NAB1: variants seen among roughly 807,000 people sequenced by gnomAD.
NAB1 encodes NGFI-A binding protein 1, also known as NGFI-A-binding protein 1.
NAB1 carries 25 observed loss-of-function variants against 49.9 expected under a neutral mutation model. The ratio of observed to expected loss-of-function variants is 0.50; its 90% CI spans 0.37 to 0.70. The LOEUF (loss-of-function observed/expected upper bound fraction) is 0.70. NAB1 is among the 30% of genes least tolerant of loss of function. The probability of loss-of-function intolerance (pLI) is 0.00; values close to 1 mark genes in which losing one functional copy is unlikely to be tolerated. For synonymous variants in NAB1, 198 were observed against 215.6 expected (o/e 0.92, Z 0.71); for missense variants, 489 against 575.9 (o/e 0.85, Z 1.54).
Position 190,682,843 on chromosome 2 carries a change from G to A in NAB1, c.1006-895G>A, listed in dbSNP as rs528694220. 6.6e-6 allele frequency among the ~76,000 whole-genome samples: 1 copy of A among 152,262 alleles called. No homozygotes were observed. The highest frequency in any genetic ancestry group is 2.4e-5 in the African/African-American group (1 of 41,552). On this transcript the variant is annotated intron_variant, in intron 6 of 9. Coordinates refer to ENST00000337386, the MANE Select transcript of NAB1 (RefSeq NM_005966.4). The surrounding 1 kb of genome is among the most constrained non-coding windows in gnomAD (Gnocchi z 4.1). ...AGGAAATTGTCATGTATTGCTTGTG[G>A]TATGATAAACTAGTAAAGGCCCTCT... is the stretch of plus-strand genomic sequence containing the variant.
At position 190,659,715 on chromosome 2, in the gene NAB1, C is replaced by T; in HGVS notation, c.539C>T (p.Ser180Phe). 1 of 1,613,794 alleles carries T rather than the reference C, an allele frequency of 6.2e-7. No homozygotes were observed. The highest frequency in any genetic ancestry group is 8.5e-7 in the Non-Finnish European group (1 of 1,179,924). ...AGCCTCTCCCCAGCAGACCTGGGCT[C>T]CCCCGCGTCCCCAAAGGAGAGCAGT... ...EHSLSPADLGSPASPKESSEA... is the reference protein window; with the variant it reads ...EHSLSPADLGFPASPKESSEA... The change falls in exon 4 of 10, where the codon TCC becomes TTC. Residue 180 changes from serine (S) to phenylalanine (F), a missense_variant. By Grantham distance (155) the Ser-to-Phe change is radical. Transcript: ENST00000337386. The surrounding 1 kb of genome is among the most constrained non-coding windows in gnomAD (Gnocchi z 6.2).
chr2:190,668,183 G>C (rs1028061266), intron 4 of NAB1, among the ~76,000 whole-genome samples: 1 of 152,152 alleles, frequency 6.6e-6, no homozygotes, highest in Non-Finnish European at 1.5e-5. Context: ...TCTGAGGGTA[G>C]TTAGGTGGAA....
rs1052148559 is a variant in NAB1 at position 190,686,651 on chromosome 2, C to CT, written c.1259-549dup. Among the ~76,000 whole-genome samples, 1 of 152,154 alleles carries CT rather than the reference C, an allele frequency of 6.6e-6. No individual in the cohort carries two copies. Among genetic ancestry groups the CT allele is most frequent in the African/African-American group, 2.4e-5 (1 of 41,458 alleles). On this transcript the variant is annotated intron_variant, in intron 8 of 9. Coordinates refer to ENST00000337386, the MANE Select transcript of NAB1 (RefSeq NM_005966.4). The surrounding 1 kb of genome is among the most constrained non-coding windows in gnomAD (Gnocchi z 5.5). ...GGCAATTATTAAAGATTTGGTGACT[C>CT]TAATTTGTGACACCAGGATAATTCA...
rs80011902 is a variant in NAB1 at position 190,659,064 on chromosome 2, G to A, written c.-19-94G>A. The A allele has an allele frequency of 0.046, 36,464 of 785,992 alleles. 1,401 individuals carry two copies. The highest frequency in any genetic ancestry group is 0.13 in the African/African-American group (7,379 of 57,284). The allele number at this position is 785,992 out of a possible 1,614,324, so 48.7% of individuals were successfully genotyped here. A position where few individuals can be genotyped will look rare whatever the true frequency, so the allele number is the denominator to read the frequency against. ...GGCAGTCACGATGCAGATGCTTCTCGTTTTTGTTCTTAAAACCTGTAGTGT... is the reference window on the plus strand; with the variant it reads ...GGCAGTCACGATGCAGATGCTTCTCATTTTTGTTCTTAAAACCTGTAGTGT... On this transcript the variant is annotated intron_variant, in intron 3 of 9. Coordinates refer to ENST00000337386, the MANE Select transcript of NAB1 (RefSeq NM_005966.4). The surrounding 1 kb of genome is among the most constrained non-coding windows in gnomAD (Gnocchi z 6.2).
In NAB1 at chr2:190,685,624, A is replaced by T. The variant is rs1292156410; in HGVS notation, c.1244A>T (p.Asn415Ile). ...EHSPNGLTSD[N>I]SDGQGERPLN... ...AGTCCTAACGGCTTGACTTCCGATA[A>T]CTCAGATGGACAAGGTACATCTTTA... The change falls in exon 8 of 10, where the codon AAC becomes ATC. Residue 415 changes from asparagine (N) to isoleucine (I), a missense_variant. Coordinates refer to ENST00000337386, the MANE Select transcript of NAB1 (RefSeq NM_005966.4). The surrounding 1 kb of genome is among the most constrained non-coding windows in gnomAD (Gnocchi z 4.5). 6.2e-7 allele frequency: 1 copy of T among 1,608,408 alleles called. No homozygotes were observed. Among genetic ancestry groups the T allele is most frequent in the Non-Finnish European group, 8.5e-7 (1 of 1,177,780 alleles).
rs1438160647 is a variant in NAB1, at chr2:190,677,890, ATT to A, written c.1005+4739_1005+4740del. Among the ~76,000 whole-genome samples, 4 of 152,132 alleles carry A rather than the reference ATT, an allele frequency of 2.6e-5. No individual in the cohort carries two copies. Among genetic ancestry groups the A allele is most frequent in the Non-Finnish European group, 5.9e-5 (4 of 68,030 alleles). On this transcript the variant is annotated intron_variant, in intron 6 of 9. Coordinates refer to ENST00000337386, the MANE Select transcript of NAB1 (RefSeq NM_005966.4). The surrounding 1 kb of genome is among the most constrained non-coding windows in gnomAD (Gnocchi z 5.6). ...GCATCTTACCTGTGAAAAAAACACT[ATT>A]GGGGTTATACCTTTCCTCCTAGTAC...
rs1426648810 is a variant in NAB1, at chr2:190,686,291, A to T, written c.1258+653A>T. On this transcript the variant is annotated intron_variant, in intron 8 of 9. Coordinates refer to ENST00000337386, the MANE Select transcript of NAB1 (RefSeq NM_005966.4). The surrounding 1 kb of genome is among the most constrained non-coding windows in gnomAD (Gnocchi z 5.5). ...ACAAATCCCTGTTTACCTGGAGCTT[A>T]CATGTAGTGGAGGGAGATGTACAGG... 1.3e-5 allele frequency among the ~76,000 whole-genome samples: 2 copies of T among 152,216 alleles called. No homozygotes were observed. Among genetic ancestry groups the T allele is most frequent in the Non-Finnish European group, 2.9e-5 (2 of 68,024 alleles).
chr2:190,673,809 G>A (rs1450278790), intron 6 of NAB1, among the ~76,000 whole-genome samples: 1 of 152,176 alleles, frequency 6.6e-6, no homozygotes, highest in Non-Finnish European at 1.5e-5. Flanking sequence ...TAAGGTGGGA[G>A]TTAAGAAAAA....
chr2:190,653,737 G>GA (rs1559222469), intron 2 of NAB1: 1 of 152,180 alleles, frequency 6.6e-6, no homozygotes, highest in Non-Finnish European at 1.5e-5. Flanking sequence ...GAACAGAGAA[G>GA]AAAAAGACCT....
Position 190,663,067 on chromosome 2 carries a change from A to G in NAB1, c.819+3072A>G, listed in dbSNP as rs953685461. The stretch of plus-strand genomic sequence containing the variant: ...ACCGCATAAACGTGGTCACATTATT[A>G]AGTTAGCTTGTTTTATTCTGAACTC... On this transcript the variant is annotated intron_variant, in intron 4 of 9. Coordinates refer to ENST00000337386, the MANE Select transcript of NAB1 (RefSeq NM_005966.4). This position sits in a 1 kb window ranked among gnomAD's most constrained non-coding sequence, Gnocchi z 4.2. Among the ~76,000 whole-genome samples, 1 of 152,220 alleles carries G rather than the reference A, an allele frequency of 6.6e-6. No individual in the cohort carries two copies. The highest frequency in any genetic ancestry group is 2.4e-5 in the African/African-American group (1 of 41,448).
rs1695501011 is a variant in NAB1 at position 190,684,314 on chromosome 2, A to G, written c.1095+487A>G. 6.6e-6 allele frequency among the ~76,000 whole-genome samples: 1 copy of G among 152,178 alleles called. No individual in the cohort carries two copies. The highest frequency in any genetic ancestry group is 1.5e-5 in the Non-Finnish European group (1 of 67,986). ...GTTATTTAATTTTGTCTGTATACTGAAATTAAAATTTTAAAATGCTTTCTG... is the reference window on the plus strand; with the variant it reads ...GTTATTTAATTTTGTCTGTATACTGGAATTAAAATTTTAAAATGCTTTCTG... On this transcript the variant is annotated intron_variant, in intron 7 of 9. Transcript: ENST00000337386. The surrounding 1 kb of genome is among the most constrained non-coding windows in gnomAD (Gnocchi z 4.6).
rs1694096002 is a variant in NAB1, at chr2:190,659,310, G to T, written c.134G>T (p.Gly45Val). The change falls in exon 4 of 10, where the codon GGA (glycine) becomes GTA (valine). Residue 45 changes from glycine (G) to valine (V), a missense_variant. Gly to Val is a moderately radical substitution (Grantham distance 109). Transcript: ENST00000337386. This position sits in a 1 kb window ranked among gnomAD's most constrained non-coding sequence, Gnocchi z 6.2. ...GDDVQQLCEA[G>V]EEEFLEIMAL... ...GATGTCCAGCAACTCTGTGAAGCAG[G>T]AGAAGAGGAGTTTTTGGAAATCATG... is the stretch of plus-strand genomic sequence containing the variant. The T allele has an allele frequency of 1.9e-6, 3 of 1,614,034 alleles. No individual in the cohort carries two copies. Among genetic ancestry groups the T allele is most frequent in the African/African-American group, 1.3e-5 (1 of 74,894 alleles).
chr2:190,687,541 T>G (rs907858698), intron 9 of NAB1, among the ~76,000 whole-genome samples: 1 of 152,142 alleles, frequency 6.6e-6, no homozygotes, highest in Non-Finnish European at 1.5e-5. Flanking sequence ...TTAGAACATT[T>G]CAGATTTGGG....
At position 190,651,779 on chromosome 2, in the gene NAB1, A is replaced by C. The variant is rs1693680542; in HGVS notation, c.-197+1797A>C. ...TTTGTAAAATTTACCTTTAAATGCA[A>C]AGCTGTGTTTTGGATGGAAGTGACC... is the stretch of plus-strand genomic sequence containing the variant. On this transcript the variant is annotated intron_variant, in intron 2 of 9. Transcript: ENST00000337386. The surrounding 1 kb of genome is among the most constrained non-coding windows in gnomAD (Gnocchi z 4.3). Among the ~76,000 whole-genome samples, 1 of 152,210 alleles carries C rather than the reference A, an allele frequency of 6.6e-6. No homozygotes were observed. The highest frequency in any genetic ancestry group is 2.4e-5 in the African/African-American group (1 of 41,462).
Position 190,682,645 on chromosome 2 carries a change from A to C in NAB1, c.1006-1093A>C, listed in dbSNP as rs991385177. On this transcript the variant is annotated intron_variant, in intron 6 of 9. Transcript: ENST00000337386. This position sits in a 1 kb window ranked among gnomAD's most constrained non-coding sequence, Gnocchi z 4.1. ...GAGGGTAGATTTAAGTACTGAACCA[A>C]ATTTCTGAAGCAGAATTTCTCTAAA... is the stretch of plus-strand genomic sequence containing the variant. 2.6e-5 allele frequency among the ~76,000 whole-genome samples: 4 copies of C among 152,264 alleles called. No homozygotes were observed. Among genetic ancestry groups the C allele is most frequent in the Non-Finnish European group, 5.9e-5 (4 of 68,056 alleles).
chr2:190,679,980 T>C lies in NAB1; in HGVS notation c.1006-3758T>C, dbSNP rs1390853365. On this transcript the variant is annotated intron_variant, in intron 6 of 9. Transcript: ENST00000337386. The surrounding 1 kb of genome is among the most constrained non-coding windows in gnomAD (Gnocchi z 5.3). Reference sequence around the variant, plus strand: ...TGAGCTCAACCGAATTCATCAGTGTTCTGGCCCCTCCCAGACCTCGTGATC... The same window carrying C: ...TGAGCTCAACCGAATTCATCAGTGTCCTGGCCCCTCCCAGACCTCGTGATC... 6.6e-6 allele frequency among the ~76,000 whole-genome samples: 1 copy of C among 152,198 alleles called. No homozygotes were observed. The highest frequency in any genetic ancestry group is 1.5e-5 in the Non-Finnish European group (1 of 68,040).
chr2:190,665,131 G>A (rs868639890), intron 4 of NAB1, among the ~76,000 whole-genome samples: 17 of 152,090 alleles, frequency 1.1e-4, no homozygotes, highest in South Asian at 6.2e-4. Context: ...ATTCTATAAT[G>A]TTAGTGGTTT....
At chr2:190,665,322 C>CAAA (rs35430342) in intron 4 of NAB1, among the ~76,000 whole-genome samples, 1 of 130,992 alleles carries the variant, frequency 7.6e-6, no homozygotes. Context: ...GACTCCATCT[C>CAAA]AAAAAAAAAA....
Position 190,682,045 on chromosome 2 carries a change from T to A in NAB1, c.1006-1693T>A, listed in dbSNP as rs1559249700. Among the ~76,000 whole-genome samples the A allele has an allele frequency of 6.6e-6, 1 of 152,130 alleles. No homozygotes were observed. The highest frequency in any genetic ancestry group is 2.4e-5 in the African/African-American group (1 of 41,414). On this transcript the variant is annotated intron_variant, in intron 6 of 9. Coordinates refer to ENST00000337386, the MANE Select transcript of NAB1 (RefSeq NM_005966.4). The surrounding 1 kb of genome is among the most constrained non-coding windows in gnomAD (Gnocchi z 4.1). ...CACTAAAGTTACTAAAACCATGCTG[T>A]CATGATATTTTGTAGTTATAATGAT... is the stretch of plus-strand genomic sequence containing the variant.
Sources: gnomAD v4.1 joint callset for allele counts (sites outside exome capture counted in the v4.1 genomes callset) on GRCh38, gnomAD v4.1.1 for gene constraint, Gnocchi (gnomAD v3.1) non-coding constraint, MANE v1.5 for transcripts, NCBI Gene and HGNC (gene_info 2026-07-23, HGNC 2026-07-21) for gene names.